Variants in DENND1A observed in about 807,000 individuals in gnomAD.
DENND1A encodes DENN domain containing 1A, also known as DENN domain-containing protein 1A.
Under a neutral mutation model 113.7 loss-of-function variants are expected in DENND1A, and 51 were observed. That is an observed-to-expected ratio of 0.45 (90% CI 0.36 to 0.57). DENND1A has a LOEUF of 0.57. Among genes scored for constraint, DENND1A ranks in the 20% least tolerant of loss-of-function variants. The pLI, the probability that DENND1A is intolerant of heterozygous loss-of-function variation, is 0.00. For missense variants in DENND1A, 1,258 were observed against 1,395.9 expected (o/e 0.90, Z 1.57); for synonymous variants, 565 against 570.8 (o/e 0.99, Z 0.14).
intron 1 of DENND1A, among the ~76,000 whole-genome samples, chr9:123,886,452 A>G (rs72757150): frequency 0.042 from 6,340 of 152,290 alleles, 168 homozygotes; most frequent in Middle Eastern, 0.14. Context: ...ACTTCAAACC[A>G]GCTTCAGCGC....
intron 19 of DENND1A, among the ~76,000 whole-genome samples, chr9:123,415,001 C>G (rs765947072): frequency 1.3e-5 from 2 of 152,200 alleles, no homozygotes; most frequent in Non-Finnish European, 2.9e-5. Flanking sequence ...TCAATTAACT[C>G]ATTTTCTTTT....
chr9:123,584,705 G>C (rs765265318), intron 11 of DENND1A, among the ~76,000 whole-genome samples: 3 of 152,176 alleles, frequency 2.0e-5, no homozygotes, highest in Non-Finnish European at 4.4e-5. Flanking sequence ...AGAGTGCTGA[G>C]GTAAGAGGCA....
intron 21 of DENND1A, among the ~76,000 whole-genome samples, chr9:123,390,981 A>C (rs1421456211): frequency 6.6e-6 from 1 of 152,262 alleles, no homozygotes. Flanking sequence ...GGCTTCACCC[A>C]GGAGCGAGGA....
At chr9:123,529,876 A>G (rs1307285058) in intron 13 of DENND1A, among the ~76,000 whole-genome samples, 2 of 152,242 alleles carry the variant, frequency 1.3e-5, no homozygotes, top group African/African-American at 4.8e-5. Context: ...TTAGGCAGAC[A>G]TGGATTCAGA....
chr9:123,568,959 C>T (rs1044443851), intron 12 of DENND1A, among the ~76,000 whole-genome samples: 2 of 152,208 alleles, frequency 1.3e-5, no homozygotes, highest in Non-Finnish European at 2.9e-5. Flanking sequence ...AAAGCATCTG[C>T]TCTCTAGTGG....
chr9:123,879,162 T>G lies in DENND1A; in HGVS notation c.18-141A>C. ...CCGTGGAACTTTGGACAAGCTACACTATTTCTCTGAGACCATGCCTTCCTA... is the reference window on the plus strand; with the variant it reads ...CCGTGGAACTTTGGACAAGCTACACGATTTCTCTGAGACCATGCCTTCCTA... On this transcript the variant is annotated intron_variant, in intron 1 of 23. Coordinates refer to ENST00000394215, the MANE Select transcript of DENND1A (RefSeq NM_001352964.2). The G allele has an allele frequency of 4.1e-6, 3 of 730,152 alleles. No individual in the cohort carries two copies. In the South Asian group the frequency reaches 5.6e-5, roughly 14 times the overall value. The allele number at this position is 730,152 out of a possible 1,614,324, so 45.2% of individuals were successfully genotyped here.
intron 1 of DENND1A, among the ~76,000 whole-genome samples, chr9:123,921,050 A>T (rs1254045340): frequency 6.6e-6 from 1 of 152,184 alleles, no homozygotes; most frequent in African/African-American, 2.4e-5. Context: ...TCATCCTAAC[A>T]TTCTTACTGA....
chr9:123,836,562 A>C (rs1415227652), intron 2 of DENND1A, among the ~76,000 whole-genome samples: 1 of 152,220 alleles, frequency 6.6e-6, no homozygotes, highest in Non-Finnish European at 1.5e-5. Flanking sequence ...AAAGGTAGCC[A>C]AAAAGGTGGT....
intron 11 of DENND1A, among the ~76,000 whole-genome samples, chr9:123,588,093 T>A (rs138128940): frequency 6.7e-6 from 1 of 149,348 alleles, no homozygotes; most frequent in African/African-American, 2.5e-5. Flanking sequence ...GCCTGACCAA[T>A]GGAGAAACCC....
intron 2 of DENND1A, among the ~76,000 whole-genome samples, chr9:123,856,279 G>T (rs1453780363): frequency 6.6e-6 from 1 of 152,082 alleles, no homozygotes; most frequent in Non-Finnish European, 1.5e-5. Context: ...CACATAGGAG[G>T]GCTTGCACAA....
In DENND1A at chr9:123,621,337, C is replaced by T. The variant is rs12337153; in HGVS notation, c.719+9039G>A. ...AGTAGCTGGGATTACAGGCATGTAC[C>T]ACCACACCCAGCTAATTTTTTCTAT... On this transcript the variant is annotated intron_variant, in intron 10 of 23. Coordinates refer to ENST00000394215, the MANE Select transcript of DENND1A (RefSeq NM_001352964.2). 6.3e-4 allele frequency among the ~76,000 whole-genome samples: 96 copies of T among 152,104 alleles called. 3 individuals carry two copies. The highest frequency in any genetic ancestry group is 5.4e-3 in the Admixed American group (82 of 15,258).
At chr9:123,582,999 A>T (rs745640778) in intron 12 of DENND1A, among the ~76,000 whole-genome samples, 170 bp downstream of exon 12, 6 of 152,170 alleles carry the variant, frequency 3.9e-5, no homozygotes, top group Non-Finnish European at 7.4e-5. Flanking sequence ...ATGCCTGGCC[A>T]CCTTCCAACT....
chr9:123,875,003 A>C (rs1006581381), intron 2 of DENND1A, among the ~76,000 whole-genome samples: 6 of 152,254 alleles, frequency 3.9e-5, no homozygotes, highest in Admixed American at 1.3e-4. Flanking sequence ...TCAACAGTAG[A>C]ATGGATAACT....
At chr9:123,662,852 A>T (rs2063313503) in intron 8 of DENND1A, among the ~76,000 whole-genome samples, 1 of 152,218 alleles carries the variant, frequency 6.6e-6, no homozygotes, top group Non-Finnish European at 1.5e-5. Context: ...GAAATATGTG[A>T]CTGAGAGAAC....
chr9:123,829,788 C>G (rs980180847), intron 2 of DENND1A, among the ~76,000 whole-genome samples: 3 of 152,036 alleles, frequency 2.0e-5, no homozygotes, highest in Admixed American at 6.5e-5. Context: ...GTTCTTCCAA[C>G]CTTTTAAGGA....
At chr9:123,780,978 C>T (rs1000979621) in intron 3 of DENND1A, among the ~76,000 whole-genome samples, 2 of 152,144 alleles carry the variant, frequency 1.3e-5, no homozygotes, top group Non-Finnish European at 2.9e-5. Context: ...AAATTAGTTT[C>T]AGGTAGACTG....
chr9:123,434,851 C>G (rs2046399258), intron 19 of DENND1A, among the ~76,000 whole-genome samples: 1 of 152,182 alleles, frequency 6.6e-6, no homozygotes, highest in Non-Finnish European at 1.5e-5. Flanking sequence ...ACCCGGCTTA[C>G]AGTGGACCCG....
chr9:123,477,831 C>T (rs2050036715), intron 13 of DENND1A, among the ~76,000 whole-genome samples: 1 of 152,112 alleles, frequency 6.6e-6, no homozygotes, highest in Non-Finnish European at 1.5e-5. Flanking sequence ...CTTTCCAAAT[C>T]CTGCTCGGGG....
intron 13 of DENND1A, among the ~76,000 whole-genome samples, chr9:123,491,286 G>A (rs2051349896): frequency 6.6e-6 from 1 of 152,216 alleles, no homozygotes; most frequent in Non-Finnish European, 1.5e-5. Context: ...GAAAGCTGAT[G>A]TCCTCTCTGA....
Sources: allele counts gnomAD v4.1 joint callset (sites outside exome capture counted in the v4.1 genomes callset), GRCh38; gene constraint gnomAD v4.1.1; transcripts MANE v1.5; gene names NCBI Gene and HGNC (gene_info 2026-07-23, HGNC 2026-07-21).